DOK6: variants seen among roughly 807,000 people sequenced by gnomAD.
DOK6 encodes the protein downstream of tyrosine kinase 6.
DOK6 carries 22 observed loss-of-function variants against 44.0 expected under a neutral mutation model. That is an observed-to-expected ratio of 0.50 (90% CI 0.36 to 0.71). The LOEUF is 0.71. Among genes scored for constraint, DOK6 ranks in the 30% least tolerant of loss-of-function variants. The pLI is 0.00. For synonymous variants in DOK6, 166 were observed against 145.5 expected (o/e 1.14, Z -1.01); for missense variants, 340 against 416.4 (o/e 0.82, Z 1.60).
intron 3 of DOK6, among the ~76,000 whole-genome samples, chr18:69,608,456 C>T (rs1348467577): frequency 1.3e-5 from 2 of 152,168 alleles, no homozygotes; most frequent in South Asian, 2.1e-4. Flanking sequence ...CAGCTTTATT[C>T]CTGTTTCTCA....
intron 1 of DOK6, among the ~76,000 whole-genome samples, chr18:69,493,673 G>C (rs554571905): frequency 2.0e-5 from 3 of 152,100 alleles, no homozygotes; most frequent in Non-Finnish European, 4.4e-5. Context: ...CCATCTTTTA[G>C]AAATCAGCTA....
At chr18:69,669,668 G>A (rs1336536806) in intron 3 of DOK6, among the ~76,000 whole-genome samples, 3 of 151,784 alleles carry the variant, frequency 2.0e-5, no homozygotes, top group African/African-American at 7.3e-5. Context: ...ACCCCTTCCC[G>A]CACCCCCCCG....
chr18:69,496,371 C>G (rs1980889497), intron 1 of DOK6, among the ~76,000 whole-genome samples: 1 of 152,240 alleles, frequency 6.6e-6, no homozygotes, highest in Non-Finnish European at 1.5e-5. Context: ...GGCGGGGCTC[C>G]CACTTGTCCC....
chr18:69,663,993 T>A (rs190322126), intron 3 of DOK6, among the ~76,000 whole-genome samples: 14 of 152,344 alleles, frequency 9.2e-5, no homozygotes, highest in Admixed American at 7.8e-4. Context: ...GCCGTTAATT[T>A]TTTTTAAAGG....
intron 5 of DOK6, among the ~76,000 whole-genome samples, chr18:69,728,319 T>C (rs1978321605): frequency 7.5e-6 from 1 of 133,980 alleles, no homozygotes. Flanking sequence ...CCCAATGCTT[T>C]CTAATTTTTT....
At chr18:69,825,731 A>G (rs1270466802) in intron 7 of DOK6, among the ~76,000 whole-genome samples, 2 of 152,162 alleles carry the variant, frequency 1.3e-5, no homozygotes, top group Non-Finnish European at 1.5e-5. Flanking sequence ...ATAAAACAGA[A>G]ACACTAATGT....
chr18:69,581,638 T>C (rs768706996), intron 2 of DOK6, among the ~76,000 whole-genome samples: 2 of 152,196 alleles, frequency 1.3e-5, no homozygotes, highest in Non-Finnish European at 2.9e-5. Context: ...TGGGATATAA[T>C]TTAATTAGTT....
intron 1 of DOK6, among the ~76,000 whole-genome samples, chr18:69,533,048 CTAAAA>C: frequency 6.6e-6 from 1 of 151,964 alleles, no homozygotes; most frequent in East Asian, 1.9e-4. Flanking sequence ...TTTTGATACT[CTAAAA>C]GAAATAAGAA....
intron 1 of DOK6, among the ~76,000 whole-genome samples, chr18:69,429,452 T>C (rs1978734844): frequency 6.6e-6 from 1 of 151,710 alleles, no homozygotes; most frequent in Non-Finnish European, 1.5e-5. Flanking sequence ...ATATTTTATA[T>C]TTCTATCAAA....
intron 5 of DOK6, among the ~76,000 whole-genome samples, chr18:69,698,930 C>G (rs2144703536): frequency 6.6e-6 from 1 of 152,130 alleles, no homozygotes; most frequent in South Asian, 2.1e-4. Context: ...AAAAGGACCT[C>G]CATAAAATTA....
chr18:69,734,393 C>CAAA (rs60831756), intron 5 of DOK6, among the ~76,000 whole-genome samples: 12,187 of 48,336 alleles, frequency 0.25, 2,015 homozygotes, highest in East Asian at 0.4. Flanking sequence ...TTCATAGCAG[C>CAAA]AAAAAAAAAA....
chr18:69,794,087 A>C (rs1980675693), intron 7 of DOK6, among the ~76,000 whole-genome samples: 1 of 152,166 alleles, frequency 6.6e-6, no homozygotes, highest in Admixed American at 6.6e-5. Flanking sequence ...CCCTGAATGG[A>C]AATTTTTCAT....
intron 1 of DOK6, among the ~76,000 whole-genome samples, chr18:69,526,886 T>C (rs1548053): frequency 0.28 from 42,684 of 152,090 alleles, 6,297 homozygotes; most frequent in Non-Finnish European, 0.31. Flanking sequence ...TGGAACCATC[T>C]GTATCTATGT....
chr18:69,454,858 A>G (rs904022570), intron 1 of DOK6, among the ~76,000 whole-genome samples: 2 of 143,026 alleles, frequency 1.4e-5, no homozygotes, highest in African/African-American at 2.6e-5. Context: ...GAATTGAACA[A>G]TGAGATCACA....
chr18:69,521,673 G>T (rs146160154), intron 1 of DOK6, among the ~76,000 whole-genome samples: 238 of 152,000 alleles, frequency 1.6e-3, no homozygotes, highest in African/African-American at 5.6e-3. Context: ...TAGAATATCT[G>T]TCCATTATTT....
chr18:69,803,793 A>C (rs2145108631), intron 7 of DOK6, among the ~76,000 whole-genome samples: 1 of 152,288 alleles, frequency 6.6e-6, no homozygotes, highest in South Asian at 2.1e-4. Flanking sequence ...CGGGAGGCAG[A>C]GGTTGCAGTG....
rs1234652927 is a variant in DOK6 at position 69,503,934 on chromosome 18, A to C, written c.67-60553A>C. Among the ~76,000 whole-genome samples the C allele has an allele frequency of 2.0e-5, 3 of 152,078 alleles. No individual in the cohort carries two copies. The East Asian group carries it at 5.8e-4, about 29-fold the overall frequency. ...GTTTCAAAAAAGGAGTACCTTTTGCAAACTAAAGAACTACCTTTTGCAAAT... is the reference window on the plus strand; with the variant it reads ...GTTTCAAAAAAGGAGTACCTTTTGCCAACTAAAGAACTACCTTTTGCAAAT... On this transcript the variant is annotated intron_variant, in intron 1 of 7. Coordinates refer to ENST00000382713, the MANE Select transcript of DOK6 (RefSeq NM_152721.6).
chr18:69,532,386 A>G (rs1982009659), intron 1 of DOK6, among the ~76,000 whole-genome samples: 2 of 152,248 alleles, frequency 1.3e-5, no homozygotes, highest in South Asian at 4.1e-4. Context: ...ATATCTGTTA[A>G]TAAAAGAAGG....
chr18:69,426,551 G>C (rs964579074), intron 1 of DOK6, among the ~76,000 whole-genome samples: 3 of 151,968 alleles, frequency 2.0e-5, no homozygotes, highest in African/African-American at 7.2e-5. Flanking sequence ...TAAACTTTGG[G>C]CCATATTACT....
Sources: allele counts gnomAD v4.1 joint callset (sites outside exome capture counted in the v4.1 genomes callset), GRCh38; gene constraint gnomAD v4.1.1; transcripts MANE v1.5; gene names NCBI Gene and HGNC (gene_info 2026-07-23, HGNC 2026-07-21).